Variants in SCLT1 observed in about 807,000 individuals in gnomAD.
The protein encoded by SCLT1 is sodium channel-associated protein 1.
In SCLT1, 78 loss-of-function variants were observed where a neutral mutation model predicts 112.8. The ratio of observed to expected loss-of-function variants is 0.69; its 90% CI spans 0.58 to 0.83. SCLT1 has a LOEUF of 0.83. SCLT1 is among the 40% of genes least tolerant of loss of function. The pLI is 0.00. For missense variants in SCLT1, 747 were observed against 770.4 expected, an observed-to-expected ratio of 0.97 and a Z score of 0.36; for synonymous variants, 257 against 254.7, an observed-to-expected ratio of 1.01 and a Z score of -0.09.
At chr4:129,059,349 C>T (rs942685870) in intron 2 of SCLT1, among the ~76,000 whole-genome samples, 3 of 152,062 alleles carry the variant, frequency 2.0e-5, no homozygotes, top group Non-Finnish European at 4.4e-5. Flanking sequence ...TTTTGTATAT[C>T]CTTTTGCTCC....
At chr4:128,924,006 G>T (rs1736095412) in intron 18 of SCLT1, among the ~76,000 whole-genome samples, 1 of 151,798 alleles carries the variant, frequency 6.6e-6, no homozygotes, top group Non-Finnish European at 1.5e-5. Context: ...TAGAGACGAG[G>T]TCTCACTCTG....
intron 2 of SCLT1, among the ~76,000 whole-genome samples, chr4:129,069,005 T>C (rs1019150511): frequency 1.3e-5 from 2 of 152,178 alleles, no homozygotes; most frequent in Non-Finnish European, 2.9e-5. Context: ...TAGCCAATTA[T>C]CCCTGCACGA....
chr4:128,882,110 C>T (rs976081130), downstream of SCLT1, among the ~76,000 whole-genome samples: 1 of 151,968 alleles, frequency 6.6e-6, no homozygotes, highest in African/African-American at 2.4e-5. Context: ...ACTTATATTC[C>T]ATTTGCTAGA....
chr4:129,025,045 T>C (rs1745906945), intron 5 of SCLT1, among the ~76,000 whole-genome samples: 1 of 152,130 alleles, frequency 6.6e-6, no homozygotes, highest in Non-Finnish European at 1.5e-5. Flanking sequence ...AATATGGGAC[T>C]ATGTGAAAAG....
At chr4:128,955,212 T>C (rs1405482998) in intron 13 of SCLT1, among the ~76,000 whole-genome samples, 2 of 152,224 alleles carry the variant, frequency 1.3e-5, no homozygotes, top group Admixed American at 1.3e-4. Flanking sequence ...AGTGAGGTAG[T>C]TTACTGTGAT....
chr4:128,993,373 T>C lies in SCLT1; in HGVS notation c.616-1136A>G, dbSNP rs574078940. ...TGATTGAGTACATCACAGGCACAAC[T>C]AGTGTTTTATTATATATACTGCCTT... On this transcript the variant is annotated intron_variant, in intron 8 of 20. Transcript: ENST00000281142. Among the ~76,000 whole-genome samples the C allele has an allele frequency of 1.2e-4, 18 of 152,218 alleles. 1 individual carries two copies. The highest frequency in any genetic ancestry group is 3.4e-4 in the African/African-American group (14 of 41,584).
At chr4:128,956,985 G>A (rs1739273288) in intron 13 of SCLT1, 41 bp downstream of exon 13, 3 of 1,101,548 alleles carry the variant, frequency 2.7e-6, no homozygotes, top group East Asian at 2.5e-5. Context: ...CTTTAGTTGT[G>A]ACTTAAATTC....
chr4:128,904,904 GC>G (rs1669331497), intron 18 of SCLT1, among the ~76,000 whole-genome samples: 1 of 152,048 alleles, frequency 6.6e-6, no homozygotes, highest in African/African-American at 2.4e-5. Context: ...GTTAAGGCAG[GC>G]GGGTCAGCGT....
Position 128,948,555 on chromosome 4 carries a change from G to T in SCLT1, c.1234C>A (p.Gln412Lys). The change falls in exon 15 of 21, where the codon CAA becomes AAA. Residue 412 changes from glutamine (Q) to lysine (K), a missense_variant. Gln to Lys is a moderately conservative substitution (Grantham distance 53). Transcript: ENST00000281142. ...TTAATGACTCGTTCAATTTGGCCTT[G>T]TTTTTCAGCACACTCCTATAAATTC... ...SALQMECAEKQGQIERVIKEK... is the reference protein window; with the variant it reads ...SALQMECAEKKGQIERVIKEK... 6.2e-7 allele frequency: 1 copy of T among 1,604,262 alleles called. No individual in the cohort carries two copies.
At chr4:129,064,360 T>C (rs1017022107) in intron 2 of SCLT1, among the ~76,000 whole-genome samples, 1 of 152,168 alleles carries the variant, frequency 6.6e-6, no homozygotes, top group African/African-American at 2.4e-5. Context: ...CTTTTTCCTT[T>C]TATGGACCAT....
intron 5 of SCLT1, among the ~76,000 whole-genome samples, chr4:129,019,501 T>A (rs1426100258): frequency 6.6e-6 from 1 of 152,076 alleles, no homozygotes; most frequent in African/African-American, 2.4e-5. Flanking sequence ...AATTTTAGAA[T>A]CAAATAAGAT....
intron 18 of SCLT1, among the ~76,000 whole-genome samples, chr4:128,918,595 G>C (rs1344127661): frequency 1.3e-5 from 2 of 152,094 alleles, no homozygotes; most frequent in Non-Finnish European, 2.9e-5. Flanking sequence ...TATTAACCTT[G>C]AATGTAAATA....
intron 5 of SCLT1, among the ~76,000 whole-genome samples, chr4:129,004,552 AAAT>A (rs1322453645): frequency 6.6e-6 from 1 of 152,112 alleles, no homozygotes; most frequent in Admixed American, 6.6e-5. Flanking sequence ...TTTTAATTTA[AAAT>A]AATACATACT....
At chr4:129,041,185 A>C (rs1436087971) in intron 4 of SCLT1, among the ~76,000 whole-genome samples, 1 of 152,230 alleles carries the variant, frequency 6.6e-6, no homozygotes, top group Non-Finnish European at 1.5e-5. Flanking sequence ...CATTTGTGCA[A>C]AAGAGAGCTT....
chr4:128,956,363 G>T lies in SCLT1; in HGVS notation c.1146+663C>A, dbSNP rs543505468. Among the ~76,000 whole-genome samples the T allele has an allele frequency of 2.6e-5, 4 of 152,100 alleles. No homozygotes were observed. The South Asian group carries it at 8.3e-4, about 32-fold the overall frequency. On this transcript the variant is annotated intron_variant, in intron 13 of 20. Transcript: ENST00000281142. The stretch of plus-strand genomic sequence containing the variant: ...AGAATATTTTAGGCTATAGTCCAAT[G>T]TTACAGTACTCTCAACTTCACAAAT...
At chr4:128,913,239 A>C (rs1469690557) in intron 18 of SCLT1, among the ~76,000 whole-genome samples, 1 of 152,232 alleles carries the variant, frequency 6.6e-6, no homozygotes, top group African/African-American at 2.4e-5. Context: ...CAGCAAAACA[A>C]AAATAAAATC....
rs543180546 is a variant in SCLT1, at chr4:129,044,108, T to G, written c.103-57A>C. On this transcript the variant is annotated intron_variant, in intron 2 of 20. Coordinates refer to ENST00000281142, the MANE Select transcript of SCLT1 (RefSeq NM_144643.4). ...CTCACATCATTCTAGCCAAAATTGA[T>G]AGTGATATAATATTAAATGCAATTA... 1.1e-5 allele frequency: 9 copies of G among 846,502 alleles called. No individual in the cohort carries two copies. The East Asian group carries it at 2.0e-4, about 19-fold the overall frequency. 52.4% of individuals were successfully genotyped at this position (846,502 alleles called of 1,614,324 possible).
chr4:128,955,993 G>A (rs552974397), intron 13 of SCLT1, among the ~76,000 whole-genome samples: 14 of 152,270 alleles, frequency 9.2e-5, no homozygotes, highest in Non-Finnish European at 1.9e-4. Flanking sequence ...AACAATCTGG[G>A]ACTGACTATG....
intron 2 of SCLT1, among the ~76,000 whole-genome samples, chr4:129,076,451 T>C (rs561823348): frequency 2.6e-5 from 4 of 152,266 alleles, no homozygotes; most frequent in African/African-American, 9.6e-5. Context: ...TGTTTTAATT[T>C]TGGGTACAAA....
Sources: gnomAD v4.1 joint callset for allele counts (sites outside exome capture counted in the v4.1 genomes callset) on GRCh38, gnomAD v4.1.1 for gene constraint, MANE v1.5 for transcripts, NCBI Gene and HGNC (gene_info 2026-07-23, HGNC 2026-07-21) for gene names.